The following COL5A2 variants were observed in gnomAD, a reference collection of about 807,000 sequenced individuals.
COL5A2 encodes the protein collagen type V alpha 2 chain, also known as collagen alpha-2(V) chain.
Under a neutral mutation model 208.2 loss-of-function variants are expected in COL5A2, and 23 were observed. The observed-to-expected ratio is 0.11, with a 90% CI of 0.08 to 0.16. The LOEUF (loss-of-function observed/expected upper bound fraction) is 0.16, where lower values mean the gene tolerates loss of function less well. Among genes scored for constraint, COL5A2 ranks in the 10% least tolerant of loss-of-function variants. The pLI is 1.00. For missense variants in COL5A2, 1,590 were observed against 1,956.4 expected (o/e 0.81, Z 3.53); for synonymous variants, 625 against 628.5 (o/e 0.99, Z 0.08).
intron 8 of COL5A2, among the ~76,000 whole-genome samples, chr2:189,088,432 C>T (rs1686711507): frequency 6.6e-6 from 1 of 152,082 alleles, no homozygotes; most frequent in South Asian, 2.1e-4. Flanking sequence ...GTCTTAAACT[C>T]CTTTATTTTC....
At chr2:189,099,927 G>C (rs540791171) in intron 4 of COL5A2, among the ~76,000 whole-genome samples, 180 bp downstream of exon 4, 2 of 152,232 alleles carry the variant, frequency 1.3e-5, no homozygotes, top group South Asian at 4.1e-4. Context: ...CAGGAACACA[G>C]AATATCAAAT....
chr2:189,285,890 G>T, the COL5A2 span, among the ~76,000 whole-genome samples: 1 of 152,124 alleles, frequency 6.6e-6, no homozygotes, highest in Non-Finnish European at 1.5e-5. Flanking sequence ...AGTACTTGTG[G>T]TTGCACAAAT....
the COL5A2 span, among the ~76,000 whole-genome samples, chr2:189,319,470 T>C: frequency 6.6e-6 from 1 of 152,254 alleles, no homozygotes; most frequent in Non-Finnish European, 1.5e-5. Flanking sequence ...CCCACACTAA[T>C]ACTGCGCTTT....
the COL5A2 span, among the ~76,000 whole-genome samples, chr2:189,237,160 G>T: frequency 6.6e-6 from 1 of 151,736 alleles, no homozygotes; most frequent in Non-Finnish European, 1.5e-5. Flanking sequence ...CTCAGTTCAA[G>T]AAAGATTTTT....
the COL5A2 span, among the ~76,000 whole-genome samples, chr2:189,324,672 T>C: frequency 6.6e-6 from 1 of 152,162 alleles, no homozygotes; most frequent in African/African-American, 2.4e-5. Context: ...AAACAACAGG[T>C]GTTGGAGAGG....
In COL5A2 at chr2:189,039,572, A is replaced by G. The variant is rs756332493; in HGVS notation, c.3634-9T>C. 1 of 1,612,354 alleles carries G rather than the reference A, an allele frequency of 6.2e-7. No individual in the cohort carries two copies. ...GGCTCACCAGGAGGGCCCTAATTAA[A>G]AAGAGATTGGAAAGACATTTAACAC... is the stretch of plus-strand genomic sequence containing the variant. On this transcript the variant is annotated splice_polypyrimidine_tract_variant and intron_variant, in intron 50 of 53. Transcript: ENST00000374866.
rs1029676884 is a variant in COL5A2, at chr2:189,058,435, G to C, written c.2223C>G (p.Gly741=). 7.4e-6 allele frequency: 12 copies of C among 1,613,098 alleles called. No homozygotes were observed. The highest frequency in any genetic ancestry group is 1.0e-5 in the Non-Finnish European group (12 of 1,179,148). ...KGMAGGHGPD[G]PKGSPGPSGT... is the part of the protein sequence containing the mutation. ...AGATCACTATGACACTTACTTTTGG[G>C]CCATCAGGACCATGTCCTCCAGCCA... Residue 741 remains glycine, a synonymous_variant, in exon 33 of 54, where the codon GGC becomes GGG. Transcript: ENST00000374866.
the COL5A2 span, among the ~76,000 whole-genome samples, chr2:189,288,510 A>T: frequency 6.6e-6 from 1 of 152,190 alleles, no homozygotes; most frequent in African/African-American, 2.4e-5. Flanking sequence ...ACCTACCAAG[A>T]CTGAATAATA....
Position 189,048,123 on chromosome 2 carries a change from A to G in COL5A2, c.3201+86T>C, listed in dbSNP as rs185769067. ...AAATCAGAAGTGTATTGGAACTATC[A>G]GGAAAAATGACAGTTTTTAGTGTAA... On this transcript the variant is annotated intron_variant, in intron 45 of 53. Coordinates refer to ENST00000374866, the MANE Select transcript of COL5A2 (RefSeq NM_000393.5). 322 of 1,240,562 alleles carry G rather than the reference A, an allele frequency of 2.6e-4. No individual in the cohort carries two copies. In the African/African-American group the frequency reaches 4.2e-3, roughly 16 times the overall value. 76.8% of individuals were successfully genotyped at this position (1,240,562 alleles called of 1,614,324 possible).
the COL5A2 span, among the ~76,000 whole-genome samples, chr2:189,316,136 T>A: frequency 6.6e-6 from 1 of 152,094 alleles, no homozygotes; most frequent in African/African-American, 2.4e-5. Context: ...GATAAATCAC[T>A]CTGTTATAAA....
the COL5A2 span, among the ~76,000 whole-genome samples, chr2:189,272,648 C>A: frequency 5.3e-5 from 8 of 152,064 alleles, no homozygotes; most frequent in South Asian, 4.1e-4. Flanking sequence ...TATCCCAGAA[C>A]TTAAAGTATA....
the COL5A2 span, among the ~76,000 whole-genome samples, chr2:189,261,113 G>A: frequency 6.6e-6 from 1 of 151,524 alleles, no homozygotes; most frequent in Admixed American, 6.6e-5. Context: ...AAAAATTACC[G>A]AGAATAAGAA....
At chr2:189,101,544 TTATGA>T (rs1687046752) in intron 3 of COL5A2, among the ~76,000 whole-genome samples, 1 of 152,104 alleles carries the variant, frequency 6.6e-6, no homozygotes, top group African/African-American at 2.4e-5. Context: ...GATTAATACC[TTATGA>T]TATGTTTTTA....
the COL5A2 span, among the ~76,000 whole-genome samples, chr2:189,391,622 T>C: frequency 1.3e-5 from 2 of 152,090 alleles, no homozygotes; most frequent in Non-Finnish European, 2.9e-5. Context: ...CAACATACTG[T>C]CCTCAGAGGG....
At chr2:189,188,480 C>T (rs1269108371) in intron 1 of COL5A2, among the ~76,000 whole-genome samples, 2 of 151,914 alleles carry the variant, frequency 1.3e-5, no homozygotes, top group South Asian at 2.1e-4. Flanking sequence ...ATCATTCATC[C>T]ATCAGTTATT....
intron 3 of COL5A2, among the ~76,000 whole-genome samples, chr2:189,102,823 G>T (rs939112422): frequency 1.3e-5 from 2 of 152,038 alleles, no homozygotes; most frequent in African/African-American, 4.8e-5. Flanking sequence ...AGAACAAATT[G>T]CATTTTTATA....
intron 1 of COL5A2, among the ~76,000 whole-genome samples, chr2:189,170,227 AAAACC>A (rs1688546778): frequency 6.6e-6 from 1 of 152,240 alleles, no homozygotes; most frequent in African/African-American, 2.4e-5. Context: ...TACAATTTCC[AAAACC>A]TAAATTTGAA....
intron 1 of COL5A2, among the ~76,000 whole-genome samples, chr2:189,175,527 A>G (rs1688660131): frequency 6.7e-6 from 1 of 148,672 alleles, no homozygotes; most frequent in Non-Finnish European, 1.5e-5. Flanking sequence ...GCATTTCTTT[A>G]TATTTAAAAA....
At chr2:189,092,847 C>T (rs1391642611) in intron 6 of COL5A2, among the ~76,000 whole-genome samples, 1 of 152,144 alleles carries the variant, frequency 6.6e-6, no homozygotes, top group Non-Finnish European at 1.5e-5. Flanking sequence ...GTCTGCTTAA[C>T]TTCTCCCTTC....
Sources: allele counts gnomAD v4.1 joint callset (sites outside exome capture counted in the v4.1 genomes callset), GRCh38; gene constraint gnomAD v4.1.1; transcripts MANE v1.5; gene names NCBI Gene and HGNC (gene_info 2026-07-23, HGNC 2026-07-21).